The following RANBP17 variants were observed in gnomAD, a reference collection of about 807,000 sequenced individuals.
The protein encoded by RANBP17 is RAN binding protein 17.
Under a neutral mutation model 141.2 loss-of-function variants are expected in RANBP17, and 158 were observed. The ratio of observed to expected loss-of-function variants is 1.12; its 90% CI spans 0.98 to 1.28. The LOEUF (loss-of-function observed/expected upper bound fraction) is 1.28. Ranked by LOEUF, RANBP17 falls within the 50% of genes most tolerant of loss-of-function variation. The probability of loss-of-function intolerance (pLI) is 0.00; values close to 1 mark genes in which losing one functional copy is unlikely to be tolerated. For synonymous variants in RANBP17, 430 were observed against 450.0 expected (o/e 0.96, Z 0.56); for missense variants, 1,438 against 1,290.7 (o/e 1.11, Z -1.75).
chr5:170,873,796 C>T (rs1257867150), intron 1 of RANBP17, among the ~76,000 whole-genome samples: 1 of 152,070 alleles, frequency 6.6e-6, no homozygotes, highest in African/African-American at 2.4e-5. Context: ...AAACCAGCTC[C>T]TGGATTTATT....
chr5:170,960,586 AG>A (rs1446343524), intron 13 of RANBP17, among the ~76,000 whole-genome samples: 4 of 152,172 alleles, frequency 2.6e-5, no homozygotes, highest in Non-Finnish European at 5.9e-5. Context: ...TACCTCAGTT[AG>A]TCCACCTATC....
At chr5:171,090,882 G>C (rs754910542) in intron 14 of RANBP17, among the ~76,000 whole-genome samples, 21 of 152,188 alleles carry the variant, frequency 1.4e-4, no homozygotes, top group Non-Finnish European at 8.8e-5. Flanking sequence ...CCTCTGCCTA[G>C]ACCTCAAAAG....
chr5:170,951,038 CAG>C (rs1775170257), intron 12 of RANBP17, among the ~76,000 whole-genome samples: 1 of 151,946 alleles, frequency 6.6e-6, no homozygotes, highest in Non-Finnish European at 1.5e-5. Context: ...AGGTAAAGAA[CAG>C]AATGATAGGA....
chr5:171,182,555 A>C lies in RANBP17; in HGVS notation c.1866-612A>C, dbSNP rs537000469. 5.3e-5 allele frequency among the ~76,000 whole-genome samples: 8 copies of C among 152,364 alleles called. No individual in the cohort carries two copies. In the South Asian group the frequency reaches 1.7e-3, roughly 32 times the overall value. On this transcript the variant is annotated intron_variant, in intron 16 of 27. Transcript: ENST00000523189. ...CTGTTTCATTATTTATGGACTAAAA[A>C]TAATAAATAATACTTAACAGTGTAA...
chr5:171,109,714 A>G (rs1003286240), intron 14 of RANBP17, among the ~76,000 whole-genome samples: 2 of 152,222 alleles, frequency 1.3e-5, no homozygotes, highest in East Asian at 1.9e-4. Flanking sequence ...GAGAAAGTCC[A>G]TATATGTTCA....
chr5:171,183,143 C>CT (rs756138399), intron 16 of RANBP17, 24 bp from the exon 17 acceptor site: 3 of 1,256,836 alleles, frequency 2.4e-6, no homozygotes, highest in Non-Finnish European at 3.5e-6. Context: ...AATATATTTC[C>CT]TTAGATTCCT....
chr5:170,899,554 C>T (rs956651384), intron 5 of RANBP17, among the ~76,000 whole-genome samples: 22 of 152,082 alleles, frequency 1.4e-4, no homozygotes, highest in Middle Eastern at 3.2e-3. Flanking sequence ...TCCAATACTA[C>T]ATTGAATAGG....
chr5:171,022,965 GCA>G (rs1011275579), intron 14 of RANBP17, among the ~76,000 whole-genome samples: 2 of 152,318 alleles, frequency 1.3e-5, no homozygotes, highest in South Asian at 4.1e-4. Flanking sequence ...TGTGGAAAAA[GCA>G]CAGTTTCCCT....
At chr5:171,174,222 T>C (rs1217863488) in intron 16 of RANBP17, among the ~76,000 whole-genome samples, 1 of 152,202 alleles carries the variant, frequency 6.6e-6, no homozygotes, top group African/African-American at 2.4e-5. Flanking sequence ...ACATACTCTT[T>C]ATATTTTCAA....
rs892525102 is a variant in RANBP17 at position 171,260,072 on chromosome 5, G to A, written c.2777-5609G>A. Among the ~76,000 whole-genome samples the A allele has an allele frequency of 5.7e-5, 8 of 141,466 alleles. No individual in the cohort carries two copies. The South Asian group carries it at 1.8e-3, about 32-fold the overall frequency. The allele number at this position is 141,466 out of a possible 152,430, so 92.8% of individuals were successfully genotyped here. A position where few individuals can be genotyped will look rare whatever the true frequency, so the allele number is the denominator to read the frequency against. ...CCCAGCACTTTGGAAGGCCCAAGTG[G>A]GCAGATCACTTGAGGTCAGGAGTTT... On this transcript the variant is annotated intron_variant, in intron 24 of 27. Transcript: ENST00000523189.
intron 25 of RANBP17, among the ~76,000 whole-genome samples, chr5:171,272,178 G>A (rs185110987): frequency 2.0e-5 from 3 of 152,112 alleles, no homozygotes; most frequent in Admixed American, 6.6e-5. Flanking sequence ...AACAGATACC[G>A]GGGCCTACTT....
At chr5:171,247,340 G>A (rs1428977216) in intron 24 of RANBP17, among the ~76,000 whole-genome samples, 1 of 152,082 alleles carries the variant, frequency 6.6e-6, no homozygotes, top group East Asian at 1.9e-4. Flanking sequence ...GGTGAATTTG[G>A]GCCCTGTGTC....
chr5:171,155,163 A>G (rs1399049006), intron 14 of RANBP17, among the ~76,000 whole-genome samples: 1 of 148,036 alleles, frequency 6.8e-6, no homozygotes, highest in Non-Finnish European at 1.5e-5. Flanking sequence ...ATGTATATAT[A>G]TGGAGTTAAT....
At chr5:171,233,319 G>A (rs1056714436) in intron 22 of RANBP17, among the ~76,000 whole-genome samples, 2 of 152,184 alleles carry the variant, frequency 1.3e-5, no homozygotes, top group Non-Finnish European at 2.9e-5. Flanking sequence ...GCAGAATGGC[G>A]CAGCCACTTT....
chr5:171,161,331 T>C (rs1759337585), intron 14 of RANBP17: 2 of 182,506 alleles, frequency 1.1e-5, no homozygotes, highest in Middle Eastern at 2.0e-3. Flanking sequence ...CTTTCTCCTT[T>C]TATTTGAGAT....
chr5:171,008,599 G>T (rs192963423), intron 14 of RANBP17, among the ~76,000 whole-genome samples: 9 of 152,284 alleles, frequency 5.9e-5, no homozygotes, highest in East Asian at 1.9e-4. Context: ...TTGCGGGTAG[G>T]GGGTGAATCT....
At chr5:171,242,903 C>A in intron 24 of RANBP17, 83 bp downstream of exon 24, 2 of 1,276,294 alleles carry the variant, frequency 1.6e-6, no homozygotes, top group South Asian at 1.3e-5. Flanking sequence ...GACTATCATC[C>A]TACAAAGGGG....
rs138196145 is a variant in RANBP17 at position 171,199,829 on chromosome 5, G to A, written c.2142+56G>A. On this transcript the variant is annotated intron_variant, in intron 19 of 27. Transcript: ENST00000523189. ...AGTTTTGTTTTTTCTAGGATATCTA[G>A]ATCCAGAAAAGGGCTTTGCATATCT... The A allele has an allele frequency of 2.9e-5, 32 of 1,086,780 alleles. 1 individual carries two copies. Among genetic ancestry groups the A allele is most frequent in the Non-Finnish European group, 4.1e-5 (30 of 723,916 alleles). The allele number at this position is 1,086,780 out of a possible 1,614,324, so 67.3% of individuals were successfully genotyped here.
At chr5:171,195,811 A>G (rs1169521351) in intron 18 of RANBP17, among the ~76,000 whole-genome samples, 1 of 152,228 alleles carries the variant, frequency 6.6e-6, no homozygotes, top group African/African-American at 2.4e-5. Context: ...CTCTGCTCAC[A>G]TGTAAAATGA....
Sources: allele counts gnomAD v4.1 joint callset (sites outside exome capture counted in the v4.1 genomes callset), GRCh38; gene constraint gnomAD v4.1.1; transcripts MANE v1.5; gene names NCBI Gene and HGNC (gene_info 2026-07-23, HGNC 2026-07-21).